RARB: variants seen among roughly 807,000 people sequenced by gnomAD.
The protein encoded by RARB is retinoic acid receptor beta, also known as HBV-activated protein.
RARB carries 17 observed loss-of-function variants against 51.9 expected under a neutral mutation model. That is an observed-to-expected ratio of 0.33 (90% CI 0.22 to 0.49). The LOEUF (loss-of-function observed/expected upper bound fraction) is 0.49. Among genes scored for constraint, RARB ranks in the 20% least tolerant of loss-of-function variants. The pLI is 0.99. For missense variants in RARB, 369 were observed against 550.8 expected (o/e 0.67, Z 3.30); for synonymous variants, 215 against 195.4 (o/e 1.10, Z -0.84).
intron 5 of RARB, among the ~76,000 whole-genome samples, chr3:25,336,843 A>AGAAC (rs1376683868): frequency 6.6e-6 from 1 of 152,184 alleles, no homozygotes; most frequent in African/African-American, 2.4e-5. Flanking sequence ...TTGACGCTGT[A>AGAAC]GAACGGCTCA....
At chr3:25,553,626 C>T (rs938977862) in intron 3 of RARB, among the ~76,000 whole-genome samples, 6 of 152,150 alleles carry the variant, frequency 3.9e-5, no homozygotes, top group Non-Finnish European at 8.8e-5. Context: ...TACATGTCGA[C>T]ACTCCCTTGG....
intron 2 of RARB, among the ~76,000 whole-genome samples, chr3:24,922,014 C>G (rs1695226388): frequency 6.6e-6 from 1 of 152,204 alleles, no homozygotes; most frequent in Admixed American, 6.5e-5. Context: ...GCAGTAGAGT[C>G]TCTAGGTCTG....
At chr3:25,083,503 T>G (rs1210843655) in intron 3 of RARB, among the ~76,000 whole-genome samples, 6 of 152,310 alleles carry the variant, frequency 3.9e-5, no homozygotes, top group Middle Eastern at 3.4e-3. Flanking sequence ...TCTTATAGTT[T>G]GTATTTGTCT....
Position 25,461,189 on chromosome 3 carries a change from A to G in RARB, c.158-4A>G. ...TTTCTCCCTCTACCCCATCTCTATTATAGCAATTGAAACACAGAGCACCAG... is the reference window on the plus strand; with the variant it reads ...TTTCTCCCTCTACCCCATCTCTATTGTAGCAATTGAAACACAGAGCACCAG... On this transcript the variant is annotated splice_polypyrimidine_tract_variant and splice_region_variant and intron_variant, in intron 1 of 7. Coordinates refer to ENST00000330688, the MANE Select transcript of RARB (RefSeq NM_000965.5). The G allele has an allele frequency of 1.9e-6, 3 of 1,604,712 alleles. No individual in the cohort carries two copies. The highest frequency in any genetic ancestry group is 2.6e-6 in the Non-Finnish European group (3 of 1,176,300).
At chr3:25,187,487 A>G (rs1461693271) in intron 5 of RARB, among the ~76,000 whole-genome samples, 1 of 152,082 alleles carries the variant, frequency 6.6e-6, no homozygotes, top group Non-Finnish European at 1.5e-5. Context: ...ACATTTTTAT[A>G]GCTTATTAAA....
chr3:25,345,940 T>C, intron 5 of RARB: 1 of 857,244 alleles, frequency 1.2e-6, no homozygotes, highest in Non-Finnish European at 1.4e-6. Flanking sequence ...AACCACCATT[T>C]AGTTTAGTTC....
chr3:25,457,602 CA>C (rs1474196608), intron 1 of RARB, among the ~76,000 whole-genome samples: 2 of 152,128 alleles, frequency 1.3e-5, no homozygotes, highest in Non-Finnish European at 2.9e-5. Context: ...CTTTAATGTC[CA>C]GTAGACTTCC....
chr3:25,477,947 T>C (rs879422636), intron 2 of RARB, among the ~76,000 whole-genome samples: 4 of 152,192 alleles, frequency 2.6e-5, no homozygotes, highest in Non-Finnish European at 5.9e-5. Flanking sequence ...TCTTCAGTTA[T>C]AGGTCTCGTA....
chr3:25,260,868 T>A (rs1702982037), intron 5 of RARB, among the ~76,000 whole-genome samples: 1 of 152,164 alleles, frequency 6.6e-6, no homozygotes, highest in Non-Finnish European at 1.5e-5. Context: ...ACGTACTCAT[T>A]GGCTCACGTA....
upstream of RARB, among the ~76,000 whole-genome samples, chr3:25,427,626 A>C (rs569200347): frequency 6.6e-6 from 1 of 152,286 alleles, no homozygotes; most frequent in Admixed American, 6.5e-5. Flanking sequence ...TTCAAAGTAA[A>C]TGAATCTCGA....
intron 5 of RARB, among the ~76,000 whole-genome samples, chr3:25,235,747 A>G (rs1250266538): frequency 6.6e-6 from 1 of 152,200 alleles, no homozygotes; most frequent in Non-Finnish European, 1.5e-5. Flanking sequence ...AACACAGGAG[A>G]TGGAAAGGCT....
chr3:25,290,786 C>T (rs537121945), intron 5 of RARB, among the ~76,000 whole-genome samples: 2 of 152,298 alleles, frequency 1.3e-5, no homozygotes, highest in Admixed American at 6.5e-5. Context: ...GAGGGATGCA[C>T]TTAGCGCTCT....
intron 5 of RARB, among the ~76,000 whole-genome samples, chr3:25,211,871 C>T (rs1701707118): frequency 6.6e-6 from 1 of 152,188 alleles, no homozygotes; most frequent in Admixed American, 6.5e-5. Context: ...AATTACAAAT[C>T]ATGCAAATCA....
chr3:25,231,947 G>A (rs189204839), intron 5 of RARB, among the ~76,000 whole-genome samples: 2 of 151,672 alleles, frequency 1.3e-5, no homozygotes, highest in East Asian at 3.9e-4. Context: ...TTTCGGTATC[G>A]TGTCTAAGAT....
At chr3:25,502,651 G>A (rs922066689) in intron 3 of RARB, among the ~76,000 whole-genome samples, 11 of 152,156 alleles carry the variant, frequency 7.2e-5, no homozygotes, top group African/African-American at 2.4e-4. Flanking sequence ...AGCCGCATGC[G>A]TGAACATGTA....
chr3:25,402,334 A>G (rs1707285735), intron 5 of RARB, among the ~76,000 whole-genome samples: 1 of 152,176 alleles, frequency 6.6e-6, no homozygotes, highest in African/African-American at 2.4e-5. Context: ...AGAAAAGGGA[A>G]CCCTTGTACA....
intron 2 of RARB, among the ~76,000 whole-genome samples, chr3:25,495,720 A>T (rs969464865): frequency 2.0e-5 from 3 of 152,224 alleles, no homozygotes; most frequent in African/African-American, 4.8e-5. Context: ...TGTAACACAG[A>T]TCTGTCTTTC....
chr3:24,923,081 A>C (rs1695251733), intron 2 of RARB, among the ~76,000 whole-genome samples: 1 of 152,236 alleles, frequency 6.6e-6, no homozygotes, highest in Admixed American at 6.5e-5. Flanking sequence ...CAATAGAAAT[A>C]TTCAGACAAG....
chr3:24,934,425 T>C (rs913200002), intron 2 of RARB, among the ~76,000 whole-genome samples: 1 of 152,122 alleles, frequency 6.6e-6, no homozygotes, highest in Non-Finnish European at 1.5e-5. Flanking sequence ...TTTAAATTAC[T>C]TTTGTCTTTC....
Sources: gnomAD v4.1 joint callset for allele counts (sites outside exome capture counted in the v4.1 genomes callset) on GRCh38, gnomAD v4.1.1 for gene constraint, MANE v1.5 for transcripts, NCBI Gene and HGNC (gene_info 2026-07-23, HGNC 2026-07-21) for gene names.